TMTC2: variants seen among roughly 807,000 people sequenced by gnomAD.
TMTC2 encodes transmembrane O-mannosyltransferase targeting cadherins 2, also known as protein O-mannosyl-transferase TMTC2.
TMTC2 carries 43 observed loss-of-function variants against 82.4 expected under a neutral mutation model. The observed-to-expected ratio is 0.52, with a 90% CI of 0.41 to 0.67. The LOEUF is 0.67. TMTC2 is among the 30% of genes least tolerant of loss of function. TMTC2 has a pLI of 0.00. For synonymous variants in TMTC2, 408 were observed against 381.9 expected (o/e 1.07, Z -0.80); for missense variants, 919 against 1,012.4 (o/e 0.91, Z 1.25).
chr12:82,866,053 A>G (rs1371747857), intron 2 of TMTC2, among the ~76,000 whole-genome samples: 1 of 152,146 alleles, frequency 6.6e-6, no homozygotes, highest in Non-Finnish European at 1.5e-5. Context: ...CCCTCAAGAG[A>G]AAGCAGGAAA....
chr12:82,733,031 G>A, intron 1 of TMTC2, among the ~76,000 whole-genome samples: 1 of 151,938 alleles, frequency 6.6e-6, no homozygotes. Flanking sequence ...CTTTTTAAAG[G>A]TTTTTGATTT....
chr12:82,872,557 T>C (rs78583718), intron 2 of TMTC2, among the ~76,000 whole-genome samples: 2,172 of 152,308 alleles, frequency 0.014, 59 homozygotes, highest in African/African-American at 0.05. Flanking sequence ...ATTTCCCGCA[T>C]TGCTTTATAT....
intron 11 of TMTC2, among the ~76,000 whole-genome samples, chr12:83,115,472 AT>A (rs1415054629): frequency 1.3e-5 from 2 of 152,118 alleles, no homozygotes; most frequent in Admixed American, 6.5e-5. Context: ...TCCTTTTTGT[AT>A]TCTGTATGTA....
chr12:82,715,274 C>CAA (rs758933283), intron 1 of TMTC2, among the ~76,000 whole-genome samples: 2 of 103,826 alleles, frequency 1.9e-5, no homozygotes, highest in South Asian at 3.1e-4. Context: ...GACTCCATTT[C>CAA]AAAAAAAAAA....
At chr12:82,953,800 G>T (rs1877471724) in intron 4 of TMTC2, among the ~76,000 whole-genome samples, 1 of 149,638 alleles carries the variant, frequency 6.7e-6, no homozygotes, top group African/African-American at 2.5e-5. Context: ...AAAACCTTAG[G>T]AAAAAATGTG....
In TMTC2 at chr12:83,102,483, C is replaced by T. The variant is rs1884252768; in HGVS notation, c.2332-29727C>T. On this transcript the variant is annotated intron_variant, in intron 11 of 11. Coordinates refer to ENST00000321196, the MANE Select transcript of TMTC2 (RefSeq NM_152588.3). ...AAAACACAGTATCAAAATGAAATTTCCCTGTATTATCAGAAAGGGATTATA... is the reference window on the plus strand; with the variant it reads ...AAAACACAGTATCAAAATGAAATTTTCCTGTATTATCAGAAAGGGATTATA... Among the ~76,000 whole-genome samples the T allele has an allele frequency of 1.3e-5, 2 of 152,128 alleles. 1 individual carries two copies. The highest frequency in any genetic ancestry group is 3.9e-4 in the East Asian group (2 of 5,184).
intron 10 of TMTC2, among the ~76,000 whole-genome samples, chr12:83,058,956 A>G: frequency 6.6e-6 from 1 of 151,896 alleles, no homozygotes. Context: ...TGTGGTTAAT[A>G]ATAATAATTG....
chr12:82,816,851 C>T (rs1251629208), intron 1 of TMTC2, among the ~76,000 whole-genome samples: 1 of 152,012 alleles, frequency 6.6e-6, no homozygotes, highest in Non-Finnish European at 1.5e-5. Flanking sequence ...AATAAAATTT[C>T]TGCTTATTCC....
intron 1 of TMTC2, among the ~76,000 whole-genome samples, chr12:82,804,161 T>A (rs1215439008): frequency 6.6e-6 from 1 of 152,104 alleles, no homozygotes; most frequent in Admixed American, 6.6e-5. Flanking sequence ...GAATGAGAAG[T>A]GCAGCCTCAC....
chr12:82,949,246 T>G (rs1186390518), intron 4 of TMTC2, among the ~76,000 whole-genome samples: 1 of 152,238 alleles, frequency 6.6e-6, no homozygotes, highest in African/African-American at 2.4e-5. Context: ...AAAGAATAGA[T>G]AGTAAATCAG....
chr12:82,946,688 G>T (rs1877012057), intron 4 of TMTC2, among the ~76,000 whole-genome samples: 2 of 151,708 alleles, frequency 1.3e-5, no homozygotes, highest in South Asian at 4.2e-4. Context: ...ATGGAGCCTT[G>T]TTCTAGAAAC....
intron 11 of TMTC2, among the ~76,000 whole-genome samples, chr12:83,094,804 T>TA (rs1316987386): frequency 3.3e-5 from 5 of 152,172 alleles, no homozygotes; most frequent in African/African-American, 1.2e-4. Flanking sequence ...TGGTACTAGT[T>TA]ATTTAGATTA....
chr12:83,041,064 T>C (rs1881876688), intron 9 of TMTC2, among the ~76,000 whole-genome samples: 1 of 151,254 alleles, frequency 6.6e-6, no homozygotes, highest in Non-Finnish European at 1.5e-5. Flanking sequence ...TTTTCTCATC[T>C]GTGCCCCCTT....
intron 1 of TMTC2, among the ~76,000 whole-genome samples, chr12:82,839,429 A>G (rs1316924146): frequency 1.3e-5 from 2 of 152,194 alleles, no homozygotes; most frequent in Non-Finnish European, 2.9e-5. Context: ...ATTTTAGGCC[A>G]TCATAAATTA....
chr12:83,074,636 C>T (rs1883224562), intron 11 of TMTC2, among the ~76,000 whole-genome samples: 1 of 152,016 alleles, frequency 6.6e-6, no homozygotes, highest in Non-Finnish European at 1.5e-5. Context: ...CCAGCAGTCA[C>T]AGGCCTCACC....
chr12:82,962,761 G>GA (rs1159885257), intron 4 of TMTC2, among the ~76,000 whole-genome samples: 1 of 151,962 alleles, frequency 6.6e-6, no homozygotes. Flanking sequence ...GCATGTACAT[G>GA]AGCCACATTT....
chr12:83,119,447 TG>T (rs761749906), intron 11 of TMTC2, among the ~76,000 whole-genome samples: 85 of 152,324 alleles, frequency 5.6e-4, no homozygotes, highest in Non-Finnish European at 2.4e-4. Context: ...TGTATTTGCA[TG>T]GTTCTGAAGG....
intron 1 of TMTC2, chr12:82,759,660 A>T (rs1271031876): frequency 6.6e-6 from 1 of 152,232 alleles, no homozygotes; most frequent in African/African-American, 2.4e-5. Flanking sequence ...CTCTTGCTTT[A>T]TGAAAAGCTG....
At chr12:82,926,772 C>T (rs34176101) in intron 3 of TMTC2, among the ~76,000 whole-genome samples, 17,482 of 152,152 alleles carry the variant, frequency 0.11, 1,093 homozygotes, top group East Asian at 0.2. Context: ...AATCCTAGGG[C>T]CCTTAAGAAT....
Sources: gnomAD v4.1 joint callset for allele counts (sites outside exome capture counted in the v4.1 genomes callset) on GRCh38, gnomAD v4.1.1 for gene constraint, MANE v1.5 for transcripts, NCBI Gene and HGNC (gene_info 2026-07-23, HGNC 2026-07-21) for gene names.